TLN2: variants seen among roughly 807,000 people sequenced by gnomAD.
TLN2 encodes talin 2.
A neutral mutation model predicts 294.7 loss-of-function variants in TLN2; 118 were observed. That is an observed-to-expected ratio of 0.40 (90% CI 0.34 to 0.47). The LOEUF (loss-of-function observed/expected upper bound fraction) is 0.47, where lower values mean the gene tolerates loss of function less well. Ranked by LOEUF, TLN2 falls within the 20% of genes least tolerant of loss-of-function variation. The pLI is 0.84. For synonymous variants in TLN2, 1,431 were observed against 1,304.5 expected (o/e 1.10, Z -2.09); for missense variants, 3,083 against 3,282.2 (o/e 0.94, Z 1.48).
chr15:62,729,738 G>A (rs1567475641), intron 28 of TLN2, among the ~76,000 whole-genome samples: 1 of 152,040 alleles, frequency 6.6e-6, no homozygotes, highest in Non-Finnish European at 1.5e-5. Context: ...TGTATTTATA[G>A]GTAGTGTAAT....
intron 1 of TLN2, among the ~76,000 whole-genome samples, chr15:62,499,802 C>T (rs1156503964): frequency 6.6e-6 from 1 of 151,932 alleles, no homozygotes; most frequent in African/African-American, 2.4e-5. Context: ...GGAGTTTCTC[C>T]ATGTAGGTCA....
intron 9 of TLN2, among the ~76,000 whole-genome samples, chr15:62,669,265 G>A (rs768556587): frequency 1.1e-4 from 16 of 152,174 alleles, no homozygotes; most frequent in African/African-American, 3.1e-4. Flanking sequence ...CTATGTCAGT[G>A]TATCATATAA....
At chr15:62,591,229 G>C (rs888078688) in intron 2 of TLN2, among the ~76,000 whole-genome samples, 45 of 152,282 alleles carry the variant, frequency 3.0e-4, no homozygotes, top group African/African-American at 1.1e-3. Context: ...TGAAAATGCT[G>C]TTTATTTCCT....
Position 62,675,160 on chromosome 15 carries a change from A to C in TLN2, c.853-57A>C, listed in dbSNP as rs140577934. On this transcript the variant is annotated intron_variant, in intron 10 of 58. Coordinates refer to ENST00000636159, the MANE Select transcript of TLN2 (RefSeq NM_015059.3). ...CCACATACAGTAACTACCTCTCTCC[A>C]AGTCCACCTGCTGGCAGAGATGCAA... is the stretch of plus-strand genomic sequence containing the variant. The C allele has an allele frequency of 5.2e-5, 80 of 1,540,642 alleles. 1 individual carries two copies. In the East Asian group the frequency reaches 1.7e-3, roughly 32 times the overall value.
intron 1 of TLN2, among the ~76,000 whole-genome samples, chr15:62,569,409 C>T (rs2140635777): frequency 6.6e-6 from 1 of 152,330 alleles, no homozygotes; most frequent in Non-Finnish European, 1.5e-5. Context: ...CCTGACCTGG[C>T]TCTAGAGTCT....
intron 54 of TLN2, among the ~76,000 whole-genome samples, chr15:62,825,775 TA>T (rs1345862837): frequency 1.2e-4 from 3 of 24,360 alleles, no homozygotes; most frequent in Admixed American, 6.6e-4. Context: ...ATATATTATA[TA>T]ATATATTATA....
intron 24 of TLN2, among the ~76,000 whole-genome samples, chr15:62,719,174 G>A (rs1436938144): frequency 6.6e-6 from 1 of 152,170 alleles, no homozygotes; most frequent in Non-Finnish European, 1.5e-5. Context: ...GCACACTGTA[G>A]GAGCCCATTA....
At chr15:62,692,249 T>C (rs1465102345) in intron 12 of TLN2, among the ~76,000 whole-genome samples, 2 of 152,228 alleles carry the variant, frequency 1.3e-5, no homozygotes, top group Admixed American at 6.5e-5. Flanking sequence ...CAGAGGGCAC[T>C]GGAGCTGAGT....
intron 48 of TLN2, among the ~76,000 whole-genome samples, chr15:62,797,833 G>A (rs577165436): frequency 6.6e-6 from 1 of 152,308 alleles, no homozygotes; most frequent in South Asian, 2.1e-4. Context: ...GCGTGAGCCT[G>A]CCCAGGCACG....
chr15:62,844,318 G>A lies in TLN2; in HGVS notation c.*3708G>A, dbSNP rs144523127. On this transcript the variant is annotated 3_prime_UTR_variant, in exon 59 of 59. Coordinates refer to ENST00000636159, the MANE Select transcript of TLN2 (RefSeq NM_015059.3). The stretch of plus-strand genomic sequence containing the variant: ...GATGAGTGTGTGCAGAGTTTGGGTT[G>A]ATTCTTTTAAATGCTACAAACAAGA... The A allele has an allele frequency of 2.6e-5, 4 of 152,074 alleles. No homozygotes were observed. Among genetic ancestry groups the A allele is most frequent in the African/African-American group, 7.2e-5 (3 of 41,492 alleles). The allele number at this position is 152,074 out of a possible 1,614,324, so 9.4% of individuals were successfully genotyped here.
At chr15:62,455,627 G>A (rs967174051) in intron 1 of TLN2, among the ~76,000 whole-genome samples, 2 of 152,192 alleles carry the variant, frequency 1.3e-5, no homozygotes, top group Non-Finnish European at 2.9e-5. Flanking sequence ...ATTCTGGAAG[G>A]CCTCCAGCAA....
intron 2 of TLN2, among the ~76,000 whole-genome samples, chr15:62,600,425 G>C (rs1232419730): frequency 6.6e-6 from 1 of 152,200 alleles, no homozygotes; most frequent in Non-Finnish European, 1.5e-5. Flanking sequence ...TCCAGCAAGT[G>C]GACTTTTCCT....
chr15:62,778,090 A>G (rs2063845509), intron 43 of TLN2, among the ~76,000 whole-genome samples: 1 of 152,252 alleles, frequency 6.6e-6, no homozygotes. Flanking sequence ...TTGGTTGTTC[A>G]TATCTCCATG....
chr15:62,565,942 T>G (rs1350878057), intron 1 of TLN2, among the ~76,000 whole-genome samples: 1 of 145,752 alleles, frequency 6.9e-6, no homozygotes, highest in Non-Finnish European at 1.5e-5. Context: ...GTGTGTGTGT[T>G]TTACCTCTTA....
chr15:62,589,406 T>G (rs1352873590), intron 1 of TLN2, among the ~76,000 whole-genome samples: 1 of 152,218 alleles, frequency 6.6e-6, no homozygotes, highest in Non-Finnish European at 1.5e-5. Flanking sequence ...TGGTTTTTGT[T>G]TAAATTCAAA....
intron 1 of TLN2, among the ~76,000 whole-genome samples, chr15:62,421,358 TAG>T: frequency 6.6e-6 from 1 of 152,048 alleles, no homozygotes; most frequent in South Asian, 2.1e-4. Flanking sequence ...TTTTTAAGCA[TAG>T]AGAGGGGTGT....
At chr15:62,600,105 A>T (rs1394688953) in intron 2 of TLN2, among the ~76,000 whole-genome samples, 1 of 152,158 alleles carries the variant, frequency 6.6e-6, no homozygotes, top group African/African-American at 2.4e-5. Context: ...AGTTGATGTG[A>T]GTTTTTGCTG....
At chr15:62,702,302 A>C (rs917709366) in intron 18 of TLN2, 102 bp downstream of exon 18, 4 of 1,284,648 alleles carry the variant, frequency 3.1e-6, no homozygotes, top group Non-Finnish European at 4.2e-6. Context: ...TTGCGTCTTG[A>C]TGGGGTGTGT....
chr15:62,503,426 A>C (rs1308086681), intron 1 of TLN2, among the ~76,000 whole-genome samples: 1 of 152,106 alleles, frequency 6.6e-6, no homozygotes, highest in African/African-American at 2.4e-5. Flanking sequence ...TTTAGCACTG[A>C]TTTCTCCGCT....
Sources: gnomAD v4.1 joint callset for allele counts (sites outside exome capture counted in the v4.1 genomes callset) on GRCh38, gnomAD v4.1.1 for gene constraint, MANE v1.5 for transcripts, NCBI Gene and HGNC (gene_info 2026-07-23, HGNC 2026-07-21) for gene names.